The following PPP2R2D variants were observed in gnomAD, a reference collection of about 807,000 sequenced individuals.
The protein encoded by PPP2R2D is serine/threonine-protein phosphatase 2A 55 kDa regulatory subunit B delta isoform.
Under a neutral mutation model 31.1 loss-of-function variants are expected in PPP2R2D, and 9 were observed. That is an observed-to-expected ratio of 0.29 (90% CI 0.17 to 0.51). The LOEUF is 0.51. PPP2R2D is among the 20% of genes least tolerant of loss of function. The pLI is 0.98. For synonymous variants in PPP2R2D, 179 were observed against 172.6 expected, an observed-to-expected ratio of 1.04 and a Z score of -0.29; for missense variants, 391 against 465.6, an observed-to-expected ratio of 0.84 and a Z score of 1.48.
intron 2 of PPP2R2D, among the ~76,000 whole-genome samples, chr10:131,917,983 A>G (rs1589930081): frequency 7.1e-6 from 1 of 141,832 alleles, no homozygotes; most frequent in Non-Finnish European, 1.5e-5. Flanking sequence ...GGAATGACAC[A>G]GTGTTTGCAG....
intron 2 of PPP2R2D, among the ~76,000 whole-genome samples, chr10:131,917,632 C>T (rs1389113537): frequency 7.8e-6 from 1 of 128,388 alleles, no homozygotes; most frequent in Non-Finnish European, 1.6e-5. Context: ...GTGTAGGGAC[C>T]TCAGGCGGGT....
chr10:131,958,581 C>G lies in PPP2R2D; in HGVS notation c.*2618C>G, dbSNP rs1264709935. 1 of 213,618 alleles carries G rather than the reference C, an allele frequency of 4.7e-6. No individual in the cohort carries two copies. Among genetic ancestry groups the G allele is most frequent in the African/African-American group, 2.5e-5 (1 of 40,122 alleles). 13.2% of individuals were successfully genotyped at this position (213,618 alleles called of 1,614,324 possible). On this transcript the variant is annotated 3_prime_UTR_variant, in exon 9 of 9. Coordinates refer to ENST00000455566, the MANE Select transcript of PPP2R2D (RefSeq NM_018461.5). ...AAGGGGTATGCTGATCCCCTGTCCC[C>G]CTGTGGGGATGAAGGTGTGTGCTGA...
intron 8 of PPP2R2D, among the ~76,000 whole-genome samples, chr10:131,954,919 A>T (rs2036766450): frequency 6.6e-6 from 1 of 152,208 alleles, no homozygotes; most frequent in Admixed American, 6.5e-5. Flanking sequence ...CAGAAACTGG[A>T]CTCATGAAGC....
At chr10:131,964,106 A>G (rs1358398391), downstream of PPP2R2D, among the ~76,000 whole-genome samples, 1 of 152,200 alleles carries the variant, frequency 6.6e-6, no homozygotes, top group Non-Finnish European at 1.5e-5. Flanking sequence ...TTAAACTGCA[A>G]TTATGCATTC....
chr10:131,932,371 T>A (rs2036250933), intron 2 of PPP2R2D, among the ~76,000 whole-genome samples: 2 of 152,170 alleles, frequency 1.3e-5, no homozygotes, highest in South Asian at 4.2e-4. Flanking sequence ...TGGTGAAGTT[T>A]ATGGTAGTTT....
intron 3 of PPP2R2D, among the ~76,000 whole-genome samples, chr10:131,936,906 G>A (rs1272943028): frequency 2.6e-5 from 4 of 152,222 alleles, no homozygotes; most frequent in African/African-American, 9.6e-5. Context: ...GTTGCCCCAT[G>A]TGCCCTTCCC....
intron 2 of PPP2R2D, among the ~76,000 whole-genome samples, chr10:131,909,591 T>C (rs1052787857): frequency 2.6e-5 from 4 of 152,218 alleles, no homozygotes; most frequent in Non-Finnish European, 5.9e-5. Context: ...CAGAGATGGA[T>C]GGGCGTGGCT....
rs2035482971 is a variant in PPP2R2D, at chr10:131,901,060, C to T, written c.-89C>T. On this transcript the variant is annotated 5_prime_UTR_variant, in exon 1 of 9. Coordinates refer to ENST00000455566, the MANE Select transcript of PPP2R2D (RefSeq NM_018461.5). The stretch of plus-strand genomic sequence containing the variant: ...GCGGCGGCGGCGCCGGCGGTGGTGG[C>T]GGCCCCGGGGCTGAGCGCTCGGCTG... The T allele has an allele frequency of 6.0e-6, 1 of 167,528 alleles. No homozygotes were observed. Among genetic ancestry groups the T allele is most frequent in the Non-Finnish European group, 1.2e-5 (1 of 80,420 alleles). The allele number at this position is 167,528 out of a possible 1,614,324, so 10.4% of individuals were successfully genotyped here. A position where few individuals can be genotyped will look rare whatever the true frequency, so the allele number is the denominator to read the frequency against.
intron 2 of PPP2R2D, among the ~76,000 whole-genome samples, chr10:131,928,184 A>G (rs1554895193): frequency 6.6e-6 from 1 of 152,122 alleles, no homozygotes; most frequent in East Asian, 1.9e-4. Context: ...TCATCTGCCT[A>G]CTAGCCTAGG....
At chr10:131,931,083 A>G (rs1436237574) in intron 2 of PPP2R2D, among the ~76,000 whole-genome samples, 2 of 152,000 alleles carry the variant, frequency 1.3e-5, no homozygotes, top group East Asian at 3.9e-4. Context: ...GGGGCTTGCT[A>G]CCTTGAGCAC....
At chr10:131,930,326 G>A (rs2036198183) in intron 2 of PPP2R2D, among the ~76,000 whole-genome samples, 1 of 152,090 alleles carries the variant, frequency 6.6e-6, no homozygotes, top group Admixed American at 6.5e-5. Flanking sequence ...GGCCTGAACG[G>A]CCACTCTGAG....
At chr10:131,904,030 C>A (rs2119697753) in intron 2 of PPP2R2D, among the ~76,000 whole-genome samples, 1 of 152,112 alleles carries the variant, frequency 6.6e-6, no homozygotes, top group Non-Finnish European at 1.5e-5. Flanking sequence ...ATGGCGAAAC[C>A]CCATCTCTAC....
At chr10:131,948,342 CGT>C (rs1491377831) in intron 8 of PPP2R2D, among the ~76,000 whole-genome samples, 1 of 76,938 alleles carries the variant, frequency 1.3e-5, no homozygotes, top group Non-Finnish European at 2.5e-5. Context: ...TTGAGAGTTA[CGT>C]TTTTTTTATT....
chr10:131,967,429 T>A, the PPP2R2D span: 1 of 152,270 alleles, frequency 6.6e-6, no homozygotes, highest in Non-Finnish European at 1.5e-5. Flanking sequence ...GGAATTCTGA[T>A]GTCATGCCAT....
intron 3 of PPP2R2D, chr10:131,934,925 C>T (rs1554896251): frequency 2.2e-6 from 1 of 457,448 alleles, no homozygotes; most frequent in African/African-American, 2.0e-5. Context: ...CCTGCCCTGC[C>T]ATGAAGTGTG....
chr10:131,964,664 A>ATTTTT (rs782297365), downstream of PPP2R2D, among the ~76,000 whole-genome samples: 14 of 126,746 alleles, frequency 1.1e-4, no homozygotes, highest in Non-Finnish European at 1.5e-4. Flanking sequence ...AGAGTTTACT[A>ATTTTT]TGTTTTTTTT....
downstream of PPP2R2D, among the ~76,000 whole-genome samples, chr10:131,962,812 A>G (rs540604428): frequency 6.6e-6 from 1 of 152,314 alleles, no homozygotes; most frequent in Admixed American, 6.5e-5. Context: ...AGGTGGCTGC[A>G]CTTCCGCCGA....
chr10:131,935,137 G>A (rs2036315906), intron 3 of PPP2R2D: 2 of 350,766 alleles, frequency 5.7e-6, no homozygotes, highest in South Asian at 4.2e-5. Context: ...TCACGGCACT[G>A]CCTTTTCACT....
At chr10:131,901,457 G>T (rs1234641333) in intron 2 of PPP2R2D, 127 bp downstream of exon 2, 3 of 322,652 alleles carry the variant, frequency 9.3e-6, no homozygotes, top group Admixed American at 5.0e-5. Context: ...CGGGGCAGGG[G>T]CCAGGGGCCG....
Sources: allele counts gnomAD v4.1 joint callset (sites outside exome capture counted in the v4.1 genomes callset), GRCh38; gene constraint gnomAD v4.1.1; transcripts MANE v1.5; gene names NCBI Gene and HGNC (gene_info 2026-07-23, HGNC 2026-07-21).